The following PLPP4 variants were observed in gnomAD, a reference collection of about 807,000 sequenced individuals.
PLPP4 encodes diacylglycerol pyrophosphate like 2.
PLPP4 carries 20 observed loss-of-function variants against 32.2 expected under a neutral mutation model. The ratio of observed to expected loss-of-function variants is 0.62; its 90% CI spans 0.44 to 0.90. The LOEUF (loss-of-function observed/expected upper bound fraction) is 0.90, where lower values mean the gene tolerates loss of function less well. Ranked by LOEUF, PLPP4 falls within the 40% of genes least tolerant of loss-of-function variation. The probability of loss-of-function intolerance (pLI) is 0.00; values close to 1 mark genes in which losing one functional copy is unlikely to be tolerated. For missense variants in PLPP4, 257 were observed against 353.1 expected (o/e 0.73, Z 2.18); for synonymous variants, 127 against 133.0 (o/e 0.95, Z 0.31).
At chr10:120,546,946 TTTG>T (rs1055827113) in intron 5 of PLPP4, among the ~76,000 whole-genome samples, 1 of 152,214 alleles carries the variant, frequency 6.6e-6, no homozygotes, top group Non-Finnish European at 1.5e-5. Context: ...CACTGGATAA[TTTG>T]TTATGTGTAT....
chr10:120,461,423 G>A (rs1848042088), intron 1 of PLPP4, among the ~76,000 whole-genome samples: 1 of 152,198 alleles, frequency 6.6e-6, no homozygotes, highest in Non-Finnish European at 1.5e-5. Flanking sequence ...TGTTTCACTT[G>A]TAGGCTTGAG....
At chr10:120,497,083 C>G (rs1329508632) in intron 1 of PLPP4, among the ~76,000 whole-genome samples, 4 of 152,000 alleles carry the variant, frequency 2.6e-5, no homozygotes, top group Admixed American at 6.5e-5. Flanking sequence ...TGGAGAGCCC[C>G]CAGTGATGCC....
At chr10:120,548,077 CT>C (rs200017947) in intron 5 of PLPP4, among the ~76,000 whole-genome samples, 1 of 151,146 alleles carries the variant, frequency 6.6e-6, no homozygotes, top group Non-Finnish European at 1.5e-5. Flanking sequence ...AATTGCCAAA[CT>C]TTTTTTTTAA....
At chr10:120,579,768 A>C (rs1275349185) in intron 6 of PLPP4, among the ~76,000 whole-genome samples, 1 of 152,012 alleles carries the variant, frequency 6.6e-6, no homozygotes, top group African/African-American at 2.4e-5. Context: ...ACATGAAATC[A>C]AAAGTGAGCA....
intron 1 of PLPP4, among the ~76,000 whole-genome samples, chr10:120,473,469 G>GAGATT (rs1291507924): frequency 2.0e-5 from 3 of 152,096 alleles, no homozygotes; most frequent in Admixed American, 2.0e-4. Flanking sequence ...TGGCTCTTTA[G>GAGATT]ACTGTGACTG....
intron 5 of PLPP4, among the ~76,000 whole-genome samples, chr10:120,535,327 C>T (rs372121644): frequency 3.3e-5 from 5 of 151,924 alleles, no homozygotes; most frequent in African/African-American, 9.7e-5. Context: ...GAATAGAAAA[C>T]ATATGAAATT....
intron 2 of PLPP4, 22 bp from the exon 3 acceptor site, chr10:120,513,889 G>C (rs1242539865): frequency 1.9e-6 from 3 of 1,581,312 alleles, no homozygotes; most frequent in Admixed American, 3.3e-5. Flanking sequence ...CCTCATAAGG[G>C]ATTGTTTGTT....
intron 5 of PLPP4, among the ~76,000 whole-genome samples, chr10:120,555,858 G>A (rs911049096): frequency 1.3e-5 from 2 of 152,222 alleles, no homozygotes; most frequent in Admixed American, 6.5e-5. Flanking sequence ...GACAGCATCT[G>A]TTCTTAAGAA....
intron 1 of PLPP4, among the ~76,000 whole-genome samples, chr10:120,501,085 G>A (rs1329299142): frequency 6.6e-6 from 1 of 152,226 alleles, no homozygotes; most frequent in Non-Finnish European, 1.5e-5. Context: ...AGCCTGGTCA[G>A]TGGACAGCCA....
At chr10:120,529,509 T>A (rs1846597921) in intron 5 of PLPP4, among the ~76,000 whole-genome samples, 1 of 150,892 alleles carries the variant, frequency 6.6e-6, no homozygotes, top group South Asian at 2.1e-4. Flanking sequence ...ACTATTTGAT[T>A]TCTATGAAAA....
chr10:120,490,805 A>G lies in PLPP4; in HGVS notation c.57-13013A>G, dbSNP rs552022804. Among the ~76,000 whole-genome samples the G allele has an allele frequency of 1.6e-3, 242 of 152,174 alleles. 2 individuals carry two copies. Among genetic ancestry groups the G allele is most frequent in the Non-Finnish European group, 2.2e-3 (149 of 67,990 alleles). ...GCTGCTGCTCACTGGAGCCAGGGGA[A>G]CTCAGATGACATTACAAGGAAGGAA... On this transcript the variant is annotated intron_variant, in intron 1 of 6. Transcript: ENST00000398250.
chr10:120,496,933 G>A (rs967060445), intron 1 of PLPP4, among the ~76,000 whole-genome samples: 3 of 149,324 alleles, frequency 2.0e-5, no homozygotes, highest in Non-Finnish European at 3.0e-5. Context: ...GTGTGTGTGT[G>A]TGTGTATGTG....
At chr10:120,465,803 T>G (rs1848280499) in intron 1 of PLPP4, among the ~76,000 whole-genome samples, 1 of 152,192 alleles carries the variant, frequency 6.6e-6, no homozygotes, top group Admixed American at 6.5e-5. Flanking sequence ...TCATTTGAAT[T>G]CTATAGAAAT....
upstream of PLPP4, chr10:120,456,996 A>G (rs989150545): frequency 9.0e-5 from 14 of 156,408 alleles, no homozygotes; most frequent in Non-Finnish European, 1.7e-4. The surrounding 1 kb of genome is among the most constrained non-coding windows in gnomAD (Gnocchi z 4.1). Flanking sequence ...GCGCGGGCCC[A>G]GGAGGCGGAG....
intron 5 of PLPP4, among the ~76,000 whole-genome samples, chr10:120,563,610 C>T (rs1275747513): frequency 6.7e-6 from 1 of 148,544 alleles, no homozygotes; most frequent in Non-Finnish European, 1.5e-5. Flanking sequence ...ACCATCCTGG[C>T]TAACAAGGTG....
intron 1 of PLPP4, among the ~76,000 whole-genome samples, chr10:120,491,954 G>A (rs966989771): frequency 1.3e-5 from 2 of 152,062 alleles, no homozygotes; most frequent in Admixed American, 6.6e-5. Flanking sequence ...TCCAAATAAG[G>A]TCCACACATA....
At chr10:120,508,476 G>A (rs544246710) in intron 2 of PLPP4, among the ~76,000 whole-genome samples, 2 of 152,170 alleles carry the variant, frequency 1.3e-5, no homozygotes, top group Non-Finnish European at 2.9e-5. Context: ...CCCTCGCATC[G>A]AGGCTGCTCT....
intron 1 of PLPP4, among the ~76,000 whole-genome samples, chr10:120,495,201 G>A (rs1375642117): frequency 6.6e-6 from 1 of 152,090 alleles, no homozygotes; most frequent in Non-Finnish European, 1.5e-5. Context: ...AAGTCCTGTT[G>A]GAAAGCAGCA....
intron 6 of PLPP4, 43 bp downstream of exon 6, chr10:120,575,344 C>A: frequency 6.3e-7 from 1 of 1,586,090 alleles, no homozygotes; most frequent in Non-Finnish European, 8.6e-7. Context: ...ACTGTGGTTG[C>A]CCCTCTCCTC....
Sources: allele counts gnomAD v4.1 joint callset (sites outside exome capture counted in the v4.1 genomes callset), GRCh38; gene constraint gnomAD v4.1.1; non-coding constraint Gnocchi (gnomAD v3.1); transcripts MANE v1.5; gene names NCBI Gene and HGNC (gene_info 2026-07-23, HGNC 2026-07-21).